SUCLG2: variants seen among roughly 807,000 people sequenced by gnomAD.
SUCLG2 encodes succinate--CoA ligase [GDP-forming] subunit beta, mitochondrial.
Under a neutral mutation model 47.9 loss-of-function variants are expected in SUCLG2, and 42 were observed. The observed-to-expected ratio is 0.88, with a 90% CI of 0.69 to 1.14. The LOEUF is 1.14. Ranked by LOEUF, SUCLG2 falls within the 50% of genes most tolerant of loss-of-function variation. SUCLG2 has a pLI of 0.00. For missense variants in SUCLG2, 571 were observed against 525.9 expected (o/e 1.09, Z -0.84); for synonymous variants, 195 against 197.3 (o/e 0.99, Z 0.10).
At chr3:67,408,881 G>C (rs752245480) in intron 9 of SUCLG2, 3 of 1,472,928 alleles carry the variant, frequency 2.0e-6, no homozygotes, top group East Asian at 5.0e-5. Flanking sequence ...GTCCATGTTC[G>C]TTCCACTCCC....
At chr3:67,581,938 A>C (rs1327778923) in intron 2 of SUCLG2, among the ~76,000 whole-genome samples, 1 of 152,204 alleles carries the variant, frequency 6.6e-6, no homozygotes, top group African/African-American at 2.4e-5. Context: ...TTAGCTCCCA[A>C]AAAGTCAGAG....
intron 2 of SUCLG2, among the ~76,000 whole-genome samples, chr3:67,583,087 C>T (rs529507275): frequency 1.8e-4 from 28 of 152,164 alleles, no homozygotes; most frequent in Middle Eastern, 3.4e-3. Flanking sequence ...CATGACATAC[C>T]TCCCTCTCCT....
intron 2 of SUCLG2, among the ~76,000 whole-genome samples, chr3:67,545,126 T>C (rs891830638): frequency 6.6e-6 from 1 of 152,176 alleles, no homozygotes; most frequent in African/African-American, 2.4e-5. Context: ...CTAAGCATTA[T>C]TTAGTAGCAA....
intron 2 of SUCLG2, among the ~76,000 whole-genome samples, chr3:67,563,292 T>C (rs557723212): frequency 1.3e-5 from 2 of 152,198 alleles, no homozygotes; most frequent in African/African-American, 4.8e-5. Flanking sequence ...TATGGTCTCT[T>C]AAGGAGTTCC....
intron 2 of SUCLG2, among the ~76,000 whole-genome samples, chr3:67,545,184 A>G (rs1477413293): frequency 2.0e-5 from 3 of 152,172 alleles, no homozygotes; most frequent in Non-Finnish European, 4.4e-5. Flanking sequence ...AAAGAAACAC[A>G]TATTCCATAC....
chr3:67,412,371 T>A (rs1271656067), intron 9 of SUCLG2, among the ~76,000 whole-genome samples: 1 of 152,162 alleles, frequency 6.6e-6, no homozygotes, highest in Non-Finnish European at 1.5e-5. Context: ...GATTCCAGAA[T>A]ATCATATTCT....
At chr3:67,498,334 T>C (rs759055915) in intron 7 of SUCLG2, 39 bp from the exon 8 acceptor site, 2 of 1,599,328 alleles carry the variant, frequency 1.3e-6, no homozygotes, top group Non-Finnish European at 1.7e-6. Context: ...GAATATCTCT[T>C]GAGGATCTAT....
At chr3:67,387,614 T>C (rs573308754) in intron 10 of SUCLG2, among the ~76,000 whole-genome samples, 28 of 152,342 alleles carry the variant, frequency 1.8e-4, no homozygotes, top group African/African-American at 6.7e-4. Flanking sequence ...TTTATTTTCA[T>C]ACTCTGCTTA....
chr3:67,376,459 T>G, intron 10 of SUCLG2: 1 of 985,420 alleles, frequency 1.0e-6, no homozygotes, highest in Admixed American at 6.1e-5. Context: ...GCTTGGGGAC[T>G]ATTTAACATG....
At chr3:67,637,833 T>C (rs1490779680) in intron 1 of SUCLG2, among the ~76,000 whole-genome samples, 1 of 152,198 alleles carries the variant, frequency 6.6e-6, no homozygotes, top group Non-Finnish European at 1.5e-5. Flanking sequence ...TACCACATTA[T>C]GACTTGCTAT....
At chr3:67,499,829 T>A (rs1158853247) in intron 7 of SUCLG2, among the ~76,000 whole-genome samples, 2 of 151,902 alleles carry the variant, frequency 1.3e-5, no homozygotes, top group Admixed American at 6.6e-5. Flanking sequence ...CCTCCCAGGT[T>A]CAAGCGATTC....
chr3:67,534,017 G>T (rs1706471947), intron 2 of SUCLG2, among the ~76,000 whole-genome samples: 1 of 152,132 alleles, frequency 6.6e-6, no homozygotes, highest in African/African-American at 2.4e-5. Context: ...TGGCTCTCCA[G>T]TAGACTGCTG....
In SUCLG2 at chr3:67,498,938, T is replaced by C. The variant is rs1287191144; in HGVS notation, c.758-643A>G. On this transcript the variant is annotated intron_variant, in intron 7 of 10. Transcript: ENST00000307227. ...GGTCCACTTATAGCTGGATTTTTAT[T>C]CTCAAGATGTAAAGCCCCAGAGGGT... 3.3e-5 allele frequency among the ~76,000 whole-genome samples: 5 copies of C among 152,200 alleles called. No individual in the cohort carries two copies. In the East Asian group the frequency reaches 9.6e-4, roughly 29 times the overall value.
chr3:67,443,960 G>T (rs1382987896), intron 9 of SUCLG2, among the ~76,000 whole-genome samples: 2 of 84,538 alleles, frequency 2.4e-5, no homozygotes, highest in East Asian at 4.8e-4. Flanking sequence ...GGAGGGAGGT[G>T]GGGGGGGGTC....
intron 2 of SUCLG2, among the ~76,000 whole-genome samples, chr3:67,533,544 T>C (rs1324437103): frequency 6.6e-6 from 1 of 152,148 alleles, no homozygotes; most frequent in Non-Finnish European, 1.5e-5. Flanking sequence ...ATTTACCTAT[T>C]ACCAGAAGGC....
chr3:67,624,657 A>G (rs1252368935), intron 1 of SUCLG2, among the ~76,000 whole-genome samples: 6 of 152,186 alleles, frequency 3.9e-5, no homozygotes, highest in African/African-American at 1.4e-4. Flanking sequence ...AGTAATTTGA[A>G]TTTCTTTAGC....
chr3:67,371,712 T>C (rs1395469644), downstream of SUCLG2, among the ~76,000 whole-genome samples: 1 of 152,188 alleles, frequency 6.6e-6, no homozygotes, highest in Non-Finnish European at 1.5e-5. Context: ...TAAATGTCTT[T>C]GCCTCCAACA....
At position 67,473,299 on chromosome 3, in the gene SUCLG2, T is replaced by C. The variant is rs567924464; in HGVS notation, c.1062+22499A>G. Among the ~76,000 whole-genome samples, 81 of 152,304 alleles carry C rather than the reference T, an allele frequency of 5.3e-4. 1 individual carries two copies. Among genetic ancestry groups the C allele is most frequent in the South Asian group, 2.1e-3 (10 of 4,822 alleles). ...GACTAAGGTGTTTCTCCCACCTAGCTTGATGACTTTATTTGTGTACTTTTC... is the reference window on the plus strand; with the variant it reads ...GACTAAGGTGTTTCTCCCACCTAGCCTGATGACTTTATTTGTGTACTTTTC... On this transcript the variant is annotated intron_variant, in intron 9 of 10. Coordinates refer to ENST00000307227, the MANE Select transcript of SUCLG2 (RefSeq NM_003848.4).
intron 9 of SUCLG2, among the ~76,000 whole-genome samples, chr3:67,406,288 C>T (rs189593585): frequency 2.0e-5 from 3 of 152,246 alleles, no homozygotes; most frequent in East Asian, 3.9e-4. Flanking sequence ...TTCTTCACGG[C>T]CTACTATGTG....
Sources: gnomAD v4.1 joint callset for allele counts (sites outside exome capture counted in the v4.1 genomes callset) on GRCh38, gnomAD v4.1.1 for gene constraint, MANE v1.5 for transcripts, NCBI Gene and HGNC (gene_info 2026-07-23, HGNC 2026-07-21) for gene names.